The following PKHD1L1 variants were observed in gnomAD, a reference collection of about 807,000 sequenced individuals.
The protein encoded by PKHD1L1 is PKHD1 like 1.
Under a neutral mutation model 462.9 loss-of-function variants are expected in PKHD1L1, and 434 were observed. The ratio of observed to expected loss-of-function variants is 0.94; its 90% CI spans 0.87 to 1.02. The LOEUF is 1.02. Ranked by LOEUF, PKHD1L1 falls within the 50% of genes least tolerant of loss-of-function variation. PKHD1L1 has a pLI of 0.00. For synonymous variants in PKHD1L1, 1,781 were observed against 1,750.0 expected, an observed-to-expected ratio of 1.02 and a Z score of -0.44; for missense variants, 5,202 against 5,096.1, an observed-to-expected ratio of 1.02 and a Z score of -0.63.
intron 30 of PKHD1L1, 85 bp from the exon 31 acceptor site, chr8:109,438,239 A>T: frequency 1.0e-6 from 1 of 1,003,648 alleles, no homozygotes; most frequent in South Asian, 2.2e-5. Flanking sequence ...TCAGAAGTTT[A>T]TTCTGAATAA....
chr8:109,437,163 C>G (rs1342719832), intron 30 of PKHD1L1, among the ~76,000 whole-genome samples: 2 of 152,176 alleles, frequency 1.3e-5, no homozygotes, highest in African/African-American at 2.4e-5. Flanking sequence ...ATCCACCCCC[C>G]TCAGCCTCCC....
Position 109,448,170 on chromosome 8 carries a change from C to T in PKHD1L1, c.5804C>T (p.Thr1935Ile). 6.2e-7 allele frequency: 1 copy of T among 1,607,298 alleles called. No homozygotes were observed. The highest frequency in any genetic ancestry group is 8.5e-7 in the Non-Finnish European group (1 of 1,176,990). ...CCACCAGGAACTGAAATTGAGATCA[C>T]TGGATCCAACTTTGGCTTTGAGATC... ...RGPPGTEIEI[T>I]GSNFGFEILE... is the part of the protein sequence containing the mutation. The change falls in exon 39 of 78, where the codon ACT (threonine) becomes ATT (isoleucine). Residue 1935 changes from threonine to isoleucine, a missense_variant. Transcript: ENST00000378402.
intron 2 of PKHD1L1, among the ~76,000 whole-genome samples, chr8:109,374,997 A>G (rs1811734112): frequency 1.3e-5 from 2 of 152,040 alleles, no homozygotes; most frequent in South Asian, 4.1e-4. Flanking sequence ...GCTCTTCTTG[A>G]GGAGTATCTT....
At chr8:109,400,053 T>C in intron 12 of PKHD1L1, 23 bp from the exon 13 acceptor site, 3 of 1,582,862 alleles carry the variant, frequency 1.9e-6, no homozygotes, top group Admixed American at 3.7e-5. Context: ...GATGAAAGTC[T>C]TATTTTATTT....
chr8:109,394,194 A>AAG (rs1812849326), intron 9 of PKHD1L1, among the ~76,000 whole-genome samples: 3 of 142,146 alleles, frequency 2.1e-5, no homozygotes, highest in Non-Finnish European at 3.1e-5. Flanking sequence ...AAAAAAAAAA[A>AAG]AAAGAAATCA....
chr8:109,422,364 G>T (rs1023766835), intron 23 of PKHD1L1, among the ~76,000 whole-genome samples: 1 of 151,970 alleles, frequency 6.6e-6, no homozygotes, highest in Non-Finnish European at 1.5e-5. Context: ...CATCTCCCTC[G>T]TTCCATTCCT....
chr8:109,462,702 C>T (rs988109583), intron 48 of PKHD1L1, among the ~76,000 whole-genome samples: 1 of 152,056 alleles, frequency 6.6e-6, no homozygotes, highest in African/African-American at 2.4e-5. Context: ...CCACCACACC[C>T]AGCTAATTTT....
In PKHD1L1 at chr8:109,438,366, T is replaced by C. The variant is rs776128351; in HGVS notation, c.3670T>C (p.Phe1224Leu). 5 of 1,541,528 alleles carry C rather than the reference T, an allele frequency of 3.2e-6. No individual in the cohort carries two copies. Among genetic ancestry groups the C allele is most frequent in the Non-Finnish European group, 4.4e-6 (5 of 1,139,036 alleles). Residue 1224 changes from phenylalanine (F) to leucine (L), a missense_variant, in exon 31 of 78, where the codon TTT (phenylalanine) becomes CTT (leucine). Physicochemically the swap from Phe to Leu is conservative, Grantham distance 22 (BLOSUM62 0). This residue lies in a region of PKHD1L1 where 4,497 missense variants were observed against 4,336.8 expected (regional missense o/e 1.04). Coordinates refer to ENST00000378402, the MANE Select transcript of PKHD1L1 (RefSeq NM_177531.6). ...TVDISVTTNG[F>L]QATARDAFSY... ...TGATATTTCAGTTACTACCAATGGA[T>C]TTCAAGCCACAGCAAGGGATGCTTT...
intron 71 of PKHD1L1, among the ~76,000 whole-genome samples, chr8:109,511,345 TC>T (rs1209543807): frequency 1.3e-4 from 8 of 63,422 alleles, no homozygotes; most frequent in Admixed American, 1.1e-3. Context: ...CCCTCCCCCC[TC>T]CCCCCACCCC....
intron 45 of PKHD1L1, 145 bp downstream of exon 45, chr8:109,454,997 C>T: frequency 8.8e-7 from 1 of 1,142,494 alleles, no homozygotes; most frequent in Non-Finnish European, 1.2e-6. Context: ...CCCCTCTTTA[C>T]CCCTTCCTTC....
In PKHD1L1 at chr8:109,441,298, T is replaced by A; in HGVS notation, c.4123T>A (p.Ser1375Thr). ...LLGSIPCNVT[S>T]SSENVIKCIL... ...AGGGTCCATCCCTTGCAATGTTACA[T>A]CATCATCAGAAAATGTCATAAAATG... is the stretch of plus-strand genomic sequence containing the variant. The change falls in exon 34 of 78, where the codon TCA (serine) becomes ACA (threonine). Residue 1375 changes from serine (S) to threonine (T), a missense_variant. Coordinates refer to ENST00000378402, the MANE Select transcript of PKHD1L1 (RefSeq NM_177531.6). 6.3e-7 allele frequency: 1 copy of A among 1,583,432 alleles called. No homozygotes were observed. The highest frequency in any genetic ancestry group is 1.1e-5 in the South Asian group (1 of 87,264).
intron 59 of PKHD1L1, among the ~76,000 whole-genome samples, 161 bp downstream of exon 59, chr8:109,486,982 C>A (rs1037533156): frequency 1.2e-4 from 19 of 152,042 alleles, no homozygotes; most frequent in African/African-American, 3.1e-4. Flanking sequence ...CAAGTAAATT[C>A]TCTTAAATTA....
chr8:109,370,679 C>G (rs1365237726), intron 2 of PKHD1L1, among the ~76,000 whole-genome samples: 1 of 152,050 alleles, frequency 6.6e-6, no homozygotes, highest in Non-Finnish European at 1.5e-5. Flanking sequence ...CCACAACAGG[C>G]CCCAGTGTGT....
At chr8:109,522,418 C>A in intron 74 of PKHD1L1, 81 bp downstream of exon 74, 1 of 1,348,362 alleles carries the variant, frequency 7.4e-7, no homozygotes, top group Non-Finnish European at 9.9e-7. Context: ...CTCTCTGTTT[C>A]TATTTCAAAA....
At chr8:109,483,649 G>A (rs543366818) in intron 57 of PKHD1L1, among the ~76,000 whole-genome samples, 1 of 150,268 alleles carries the variant, frequency 6.7e-6, no homozygotes, top group Non-Finnish European at 1.5e-5. Flanking sequence ...TTATGCCAAT[G>A]TATATTAGTC....
intron 70 of PKHD1L1, 71 bp from the exon 71 acceptor site, chr8:109,510,706 T>C (rs1234916614): frequency 2.7e-6 from 4 of 1,489,496 alleles, no homozygotes; most frequent in African/African-American, 2.9e-5. Flanking sequence ...TTTAATACAA[T>C]TACTCTTCAG....
At position 109,476,668 on chromosome 8, in the gene PKHD1L1, G is replaced by A; in HGVS notation, c.8917+1G>A. The A allele has an allele frequency of 6.3e-7, 1 of 1,584,562 alleles. No individual in the cohort carries two copies. Among genetic ancestry groups the A allele is most frequent in the South Asian group, 1.2e-5 (1 of 85,074 alleles). On this transcript the variant is annotated splice_donor_variant, in intron 52 of 77. Transcript: ENST00000378402. LOFTEE classifies it high-confidence loss of function. ...AACACTAGTACTCTATATTACTTGG[G>A]TATGTGTCATTAGGCAGAAATGATA... is the stretch of plus-strand genomic sequence containing the variant.
intron 23 of PKHD1L1, among the ~76,000 whole-genome samples, chr8:109,423,903 G>A (rs534248294): frequency 2.0e-5 from 3 of 152,168 alleles, no homozygotes; most frequent in Non-Finnish European, 2.9e-5. Context: ...CATTTTCTTC[G>A]AGCAGTTGTA....
chr8:109,496,316 T>C (rs188500349), intron 63 of PKHD1L1, among the ~76,000 whole-genome samples: 17 of 152,290 alleles, frequency 1.1e-4, no homozygotes, highest in Non-Finnish European at 1.9e-4. Flanking sequence ...AGGTATTATA[T>C]TGTATCAGGT....
Sources: allele counts gnomAD v4.1 joint callset (sites outside exome capture counted in the v4.1 genomes callset), GRCh38; gene constraint gnomAD v4.1.1; regional missense constraint gnomAD v4.1.1; transcripts MANE v1.5; gene names NCBI Gene and HGNC (gene_info 2026-07-23, HGNC 2026-07-21).